Variants in KCNJ5 observed in about 807,000 individuals in gnomAD.
KCNJ5 encodes the protein G protein-activated inward rectifier potassium channel 4.
Under a neutral mutation model 20.2 loss-of-function variants are expected in KCNJ5, and 12 were observed. That is an observed-to-expected ratio of 0.59 (90% confidence interval 0.38 to 0.96). The LOEUF is 0.96. Among genes scored for constraint, KCNJ5 ranks in the 40% least tolerant of loss-of-function variants. The pLI, the probability that KCNJ5 is intolerant of heterozygous loss-of-function variation, is 0.00. For missense variants in KCNJ5, 449 were observed against 557.6 expected (o/e 0.81, Z 1.96); for synonymous variants, 210 against 213.9 (o/e 0.98, Z 0.16).
chr11:128,898,885 C>T (rs1166617178), intron 1 of KCNJ5, among the ~76,000 whole-genome samples: 7 of 152,196 alleles, frequency 4.6e-5, no homozygotes, highest in Middle Eastern at 3.4e-3. Flanking sequence ...TCACCATGTT[C>T]GCTACGCTGT....
intron 1 of KCNJ5, chr11:128,904,582 G>T: frequency 1.1e-6 from 1 of 916,508 alleles, no homozygotes. Flanking sequence ...CGGCTTCTTA[G>T]CAAAACCGCG....
At chr11:128,895,232 C>A (rs942406471) in intron 1 of KCNJ5, among the ~76,000 whole-genome samples, 3 of 152,190 alleles carry the variant, frequency 2.0e-5, no homozygotes, top group Admixed American at 2.0e-4. Context: ...AGGCACCCGA[C>A]TTTACAGTCA....
chr11:128,907,124 A>G (rs1944431071), intron 1 of KCNJ5, among the ~76,000 whole-genome samples: 1 of 152,158 alleles, frequency 6.6e-6, no homozygotes, highest in Admixed American at 6.5e-5. Flanking sequence ...AGACATAAGC[A>G]CGCCCTCCTC....
At chr11:128,894,235 G>A (rs1195878993) in intron 1 of KCNJ5, among the ~76,000 whole-genome samples, 1 of 150,934 alleles carries the variant, frequency 6.6e-6, no homozygotes, top group African/African-American at 2.4e-5. Context: ...CCTATCATGT[G>A]CCAGCAATCA....
rs1357298666 is a variant in KCNJ5 at position 128,917,602 on chromosome 11, GTTTTGTTTTGTT to G, written c.*874_*885del. On this transcript the variant is annotated 3_prime_UTR_variant, in exon 3 of 3. Transcript: ENST00000529694. ...CACAGTAGTTTTTGTGTTTTGTTTT[GTTTTGTTTTGTT>G]TTGTTTTGTTTTGTTTTGTTTTTTT... 1.3e-5 allele frequency: 2 copies of G among 148,996 alleles called. No individual in the cohort carries two copies. The highest frequency in any genetic ancestry group is 1.5e-5 in the Non-Finnish European group (1 of 67,584). 9.2% of individuals were successfully genotyped at this position (148,996 alleles called of 1,614,324 possible). A position where few individuals can be genotyped will look rare whatever the true frequency, so the allele number is the denominator to read the frequency against.
intron 1 of KCNJ5, among the ~76,000 whole-genome samples, chr11:128,896,764 T>C (rs1944184022): frequency 6.6e-6 from 1 of 152,244 alleles, no homozygotes; most frequent in East Asian, 1.9e-4. Flanking sequence ...CTATTATGAA[T>C]AAAGTTGCTA....
intron 1 of KCNJ5, among the ~76,000 whole-genome samples, chr11:128,908,822 C>A (rs754928503): frequency 6.6e-5 from 10 of 152,182 alleles, no homozygotes; most frequent in Non-Finnish European, 1.5e-4. Context: ...GGAAGCCTAT[C>A]TTGGTTCCAA....
intron 1 of KCNJ5, chr11:128,904,695 T>A (rs1944365367): frequency 3.3e-6 from 2 of 614,352 alleles, no homozygotes; most frequent in African/African-American, 3.7e-5. Flanking sequence ...TGAGTCGACC[T>A]CCTTCTATCC....
chr11:128,912,258 C>A, intron 2 of KCNJ5, 48 bp downstream of exon 2: 2 of 1,426,634 alleles, frequency 1.4e-6, no homozygotes, highest in Non-Finnish European at 2.0e-6. Context: ...ACCTACACTT[C>A]AGACTTAGGC....
At chr11:128,895,768 G>C (rs554409694) in intron 1 of KCNJ5, among the ~76,000 whole-genome samples, 2 of 152,382 alleles carry the variant, frequency 1.3e-5, no homozygotes, top group African/African-American at 4.8e-5. Context: ...TCCGTGCTGC[G>C]CGCCCTTAGG....
intron 2 of KCNJ5, among the ~76,000 whole-genome samples, chr11:128,912,503 G>T (rs1226947509): frequency 1.6e-4 from 9 of 56,854 alleles, no homozygotes; most frequent in Non-Finnish European, 3.0e-4. Context: ...TATTGTTGTT[G>T]TTGTTTTGTT....
chr11:128,907,308 C>T (rs11221509), intron 1 of KCNJ5, among the ~76,000 whole-genome samples: 13,027 of 152,130 alleles, frequency 0.086, 666 homozygotes, highest in East Asian at 0.23. Context: ...GCCCTGCTGA[C>T]CCCCAAGCAA....
intron 1 of KCNJ5, among the ~76,000 whole-genome samples, chr11:128,893,011 G>T (rs1165658358): frequency 1.3e-5 from 2 of 152,232 alleles, no homozygotes; most frequent in African/African-American, 4.8e-5. Context: ...AATTCTGAAA[G>T]CTGCTCTTGT....
At chr11:128,915,585 A>G (rs1003317157) in intron 2 of KCNJ5, among the ~76,000 whole-genome samples, 1 of 152,014 alleles carries the variant, frequency 6.6e-6, no homozygotes, top group Non-Finnish European at 1.5e-5. Context: ...TCCAACATCT[A>G]TTCACTCCAA....
chr11:128,912,208 CAGGTA>C lies in KCNJ5; in HGVS notation c.937+2_937+6del. Reference sequence around the variant, plus strand: ...ATTCTAGAAGGGATGGTGGAAGCCACAGGTAAGGCGCTTTGTCCTCCTCAGCCACA... The same window carrying C: ...ATTCTAGAAGGGATGGTGGAAGCCACAGGCGCTTTGTCCTCCTCAGCCACA... On this transcript the variant is annotated splice_donor_variant and splice_donor_region_variant and coding_sequence_variant and intron_variant, in exon 2 of 3. Transcript: ENST00000529694. LOFTEE classifies it high-confidence loss of function. The C allele has an allele frequency of 6.2e-7, 1 of 1,600,548 alleles. No homozygotes were observed.
Position 128,916,509 on chromosome 11 carries a change from G to A in KCNJ5, c.1038G>A (p.Val346=). The change falls in exon 3 of 3, where the codon GTG becomes GTA. Residue 346 remains valine, a synonymous_variant. Coordinates refer to ENST00000529694, the MANE Select transcript of KCNJ5 (RefSeq NM_000890.5). The stretch of plus-strand genomic sequence containing the variant: ...CCTTGGAAAAGGGCTTCTATGAGGT[G>A]GACTACAACACCTTCCATGATACCT... ...VLTLEKGFYE[V]DYNTFHDTYE... is the part of the protein sequence containing the mutation. 6.2e-7 allele frequency: 1 copy of A among 1,614,152 alleles called. No homozygotes were observed. Among genetic ancestry groups the A allele is most frequent in the South Asian group, 1.1e-5 (1 of 91,078 alleles).
rs1944635795 is a variant in KCNJ5 at position 128,919,341 on chromosome 11, C to T, written c.*2610C>T. 1 of 152,338 alleles carries T rather than the reference C, an allele frequency of 6.6e-6. No homozygotes were observed. Among genetic ancestry groups the T allele is most frequent in the South Asian group, 2.1e-4 (1 of 4,836 alleles). The allele number at this position is 152,338 out of a possible 1,614,324, so 9.4% of individuals were successfully genotyped here. On this transcript the variant is annotated 3_prime_UTR_variant, in exon 3 of 3. Transcript: ENST00000529694. ...CGTGAGCCAGGACCAGGTCACATCTCTCAGCCAAGTCTAGAAGCTCTGGCT... is the reference window on the plus strand; with the variant it reads ...CGTGAGCCAGGACCAGGTCACATCTTTCAGCCAAGTCTAGAAGCTCTGGCT...
chr11:128,907,743 G>A (rs564405949), intron 1 of KCNJ5, among the ~76,000 whole-genome samples: 1 of 152,304 alleles, frequency 6.6e-6, no homozygotes, highest in East Asian at 1.9e-4. Flanking sequence ...GCCAGCCACA[G>A]CATTCCTCCC....
chr11:128,899,342 A>G (rs928259144), intron 1 of KCNJ5, among the ~76,000 whole-genome samples: 6 of 152,250 alleles, frequency 3.9e-5, no homozygotes, highest in African/African-American at 1.4e-4. Flanking sequence ...GACGATAATT[A>G]CTGGGATTTT....
Sources: gnomAD v4.1 joint callset for allele counts (sites outside exome capture counted in the v4.1 genomes callset) on GRCh38, gnomAD v4.1.1 for gene constraint, MANE v1.5 for transcripts, NCBI Gene and HGNC (gene_info 2026-07-23, HGNC 2026-07-21) for gene names.